The following PPP2R2B variants were observed in gnomAD, a reference collection of about 807,000 sequenced individuals.
PPP2R2B encodes serine/threonine-protein phosphatase 2A 55 kDa regulatory subunit B beta isoform.
In PPP2R2B, 5 loss-of-function variants were observed where a neutral mutation model predicts 46.0. That is an observed-to-expected ratio of 0.11 (90% CI 0.06 to 0.23). The LOEUF is 0.23. PPP2R2B is among the 10% of genes least tolerant of loss of function. PPP2R2B has a pLI of 1.00. For missense variants in PPP2R2B, 367 were observed against 575.0 expected (o/e 0.64, Z 3.70); for synonymous variants, 215 against 206.7 (o/e 1.04, Z -0.34).
At chr5:147,081,357 G>T (rs184947473) in exon 1 of PPP2R2B, 2 of 1,480,058 alleles carry the variant, frequency 1.4e-6, no homozygotes, top group South Asian at 1.2e-5. Flanking sequence ...TGTCTCCTCC[G>T]TTTGACCAGG....
At chr5:146,893,572 C>T (rs556845713) in intron 1 of PPP2R2B, among the ~76,000 whole-genome samples, 1 of 152,186 alleles carries the variant, frequency 6.6e-6, no homozygotes, top group Admixed American at 6.5e-5. Flanking sequence ...GTAATCCCAG[C>T]ACTTTGGGAG....
intron 2 of PPP2R2B, among the ~76,000 whole-genome samples, chr5:146,841,692 CA>C (rs1368837162): frequency 6.6e-6 from 1 of 152,122 alleles, no homozygotes; most frequent in Non-Finnish European, 1.5e-5. Flanking sequence ...AACAGAAAAC[CA>C]AACACCGCAT....
At chr5:147,008,766 T>G (rs138663783) in intron 1 of PPP2R2B, among the ~76,000 whole-genome samples, 2 of 152,296 alleles carry the variant, frequency 1.3e-5, no homozygotes, top group East Asian at 3.9e-4. Flanking sequence ...CCACACATCA[T>G]CTTTGATAAG....
intron 5 of PPP2R2B, among the ~76,000 whole-genome samples, chr5:146,665,739 C>T (rs374319097): frequency 8.5e-5 from 13 of 152,284 alleles, no homozygotes; most frequent in Non-Finnish European, 1.5e-4. Flanking sequence ...TTAATCATTT[C>T]TAGCTTTTGA....
intron 1 of PPP2R2B, among the ~76,000 whole-genome samples, chr5:147,030,145 AG>A (rs558447980): frequency 4.0e-4 from 61 of 152,256 alleles, no homozygotes; most frequent in African/African-American, 1.5e-3. Context: ...ATATTCCTCC[AG>A]TCACTTGTCT....
At chr5:146,846,906 A>C (rs984219969) in intron 2 of PPP2R2B, among the ~76,000 whole-genome samples, 1 of 152,314 alleles carries the variant, frequency 6.6e-6, no homozygotes, top group South Asian at 2.1e-4. Context: ...TAGAAGTCTC[A>C]AAGCCACTGC....
intron 1 of PPP2R2B, among the ~76,000 whole-genome samples, chr5:146,903,528 C>T (rs151012066): frequency 1.3e-5 from 2 of 151,262 alleles, no homozygotes; most frequent in Non-Finnish European, 2.9e-5. Flanking sequence ...CCTGAGTAGC[C>T]GGGACTATAG....
intron 2 of PPP2R2B, among the ~76,000 whole-genome samples, chr5:146,740,953 C>T (rs1752838310): frequency 6.6e-6 from 1 of 151,356 alleles, no homozygotes; most frequent in African/African-American, 2.4e-5. Flanking sequence ...AGGAGAATCA[C>T]TTGAACCCGG....
intron 5 of PPP2R2B, 101 bp downstream of exon 5, chr5:146,691,027 C>G (rs888363375): frequency 4.2e-6 from 4 of 955,328 alleles, no homozygotes; most frequent in Non-Finnish European, 6.4e-6. Context: ...CGTTCCCTCA[C>G]TGGCCCATTA....
chr5:146,739,867 T>C (rs936344789), intron 2 of PPP2R2B, among the ~76,000 whole-genome samples: 1 of 152,220 alleles, frequency 6.6e-6, no homozygotes, highest in African/African-American at 2.4e-5. Context: ...TAATGAATAA[T>C]GTCTGTGGGA....
At chr5:147,058,583 A>G (rs977936433), upstream of PPP2R2B, among the ~76,000 whole-genome samples, 7 of 152,208 alleles carry the variant, frequency 4.6e-5, no homozygotes, top group African/African-American at 1.7e-4. Flanking sequence ...TCTCCAAACC[A>G]GCCAATATCT....
intron 2 of PPP2R2B, among the ~76,000 whole-genome samples, chr5:146,752,566 T>TA (rs1753620689): frequency 6.6e-6 from 1 of 152,232 alleles, no homozygotes; most frequent in Non-Finnish European, 1.5e-5. Flanking sequence ...ATATCTTTAG[T>TA]ACCTAATTCA....
intron 2 of PPP2R2B, among the ~76,000 whole-genome samples, chr5:146,819,660 TG>T (rs1758140600): frequency 6.6e-6 from 1 of 152,246 alleles, no homozygotes; most frequent in Non-Finnish European, 1.5e-5. Flanking sequence ...AAAATGAATT[TG>T]CTTTTTTTAA....
chr5:147,017,346 G>C (rs1253537711), intron 1 of PPP2R2B, among the ~76,000 whole-genome samples: 1 of 151,616 alleles, frequency 6.6e-6, no homozygotes, highest in Non-Finnish European at 1.5e-5. Flanking sequence ...GCATGTGGGA[G>C]GGAGATGACA....
chr5:146,770,898 C>G (rs770507329), intron 2 of PPP2R2B, among the ~76,000 whole-genome samples: 1 of 152,108 alleles, frequency 6.6e-6, no homozygotes, highest in South Asian at 2.1e-4. Context: ...AGAGAACAAC[C>G]TATTTACTTT....
chr5:146,799,923 T>A (rs2151304047), intron 2 of PPP2R2B, among the ~76,000 whole-genome samples: 1 of 152,226 alleles, frequency 6.6e-6, no homozygotes, highest in South Asian at 2.1e-4. Flanking sequence ...ACGGCTGATG[T>A]CTCCATGGTA....
At chr5:146,974,293 A>T (rs569239772) in intron 1 of PPP2R2B, among the ~76,000 whole-genome samples, 2 of 152,338 alleles carry the variant, frequency 1.3e-5, no homozygotes, top group African/African-American at 4.8e-5. Flanking sequence ...GTCCTTTAAC[A>T]TACATTAATT....
chr5:146,814,662 G>A (rs1757821419), intron 2 of PPP2R2B, among the ~76,000 whole-genome samples: 4 of 152,350 alleles, frequency 2.6e-5, no homozygotes, highest in Non-Finnish European at 2.9e-5. Flanking sequence ...AAGGGGAAAA[G>A]CACCTCAAGT....
chr5:146,883,096 T>C (rs115775462), upstream of PPP2R2B, among the ~76,000 whole-genome samples: 3 of 152,330 alleles, frequency 2.0e-5, no homozygotes, highest in Non-Finnish European at 4.4e-5. Context: ...TAAGCCAGTC[T>C]GGAGATTCTT....
Sources: allele counts gnomAD v4.1 joint callset (sites outside exome capture counted in the v4.1 genomes callset), GRCh38; gene constraint gnomAD v4.1.1; transcripts MANE v1.5; gene names NCBI Gene and HGNC (gene_info 2026-07-23, HGNC 2026-07-21).